DAPK2: variants seen among roughly 807,000 people sequenced by gnomAD.
DAPK2 encodes the protein death-associated protein kinase 2.
DAPK2 carries 35 observed loss-of-function variants against 44.1 expected under a neutral mutation model. That is an observed-to-expected ratio of 0.79 (90% CI 0.61 to 1.05). The LOEUF is 1.05. Ranked by LOEUF, DAPK2 falls within the 50% of genes least tolerant of loss-of-function variation. The pLI is 0.00. For missense variants in DAPK2, 453 were observed against 483.2 expected (o/e 0.94, Z 0.59); for synonymous variants, 174 against 182.6 (o/e 0.95, Z 0.38).
At chr15:63,927,213 G>T (rs1007638640) in intron 6 of DAPK2, among the ~76,000 whole-genome samples, 1 of 152,144 alleles carries the variant, frequency 6.6e-6, no homozygotes, top group Non-Finnish European at 1.5e-5. Context: ...TATTGTCATT[G>T]TGAGAACACA....
Position 64,025,495 on chromosome 15 carries a change from C to T in DAPK2, c.92+14675G>A, listed in dbSNP as rs184062330. ...GATGTCAGGGCAAGGGGCAGCTGGCCTCTGCTCACCGCTGCATCCTCCTTT... is the reference window on the plus strand; with the variant it reads ...GATGTCAGGGCAAGGGGCAGCTGGCTTCTGCTCACCGCTGCATCCTCCTTT... On this transcript the variant is annotated intron_variant, in intron 1 of 10. Coordinates refer to ENST00000261891, the Ensembl canonical transcript of DAPK2. Among the ~76,000 whole-genome samples, 192 of 152,306 alleles carry T rather than the reference C, an allele frequency of 1.3e-3. 1 individual carries two copies. Among genetic ancestry groups the T allele is most frequent in the African/African-American group, 4.5e-3 (187 of 41,566 alleles).
rs1390446884 is a variant in DAPK2, at chr15:63,987,038, T to C, written c.93-3284A>G. On this transcript the variant is annotated intron_variant, in intron 1 of 10. Coordinates refer to ENST00000261891, the Ensembl canonical transcript of DAPK2. ...GGGGTTGTCTCTCCCATCAGCATGATTTTTGCTTGAGGGGTTCACCAGTCT... is the reference window on the plus strand; with the variant it reads ...GGGGTTGTCTCTCCCATCAGCATGACTTTTGCTTGAGGGGTTCACCAGTCT... 4.6e-5 allele frequency among the ~76,000 whole-genome samples: 7 copies of C among 152,204 alleles called. No homozygotes were observed. In the East Asian group the frequency reaches 1.2e-3, roughly 25 times the overall value.
At position 63,929,510 on chromosome 15, in the gene DAPK2, G is replaced by C. The variant is rs372348403; in HGVS notation, c.659+41C>G. On this transcript the variant is annotated intron_variant, in intron 6 of 10. Transcript: ENST00000261891. ...TCTCTCATTCCTTCTGGTTCCCCCAGATCTAAGCTGAGCCAGAGCCCCTGG... is the reference window on the plus strand; with the variant it reads ...TCTCTCATTCCTTCTGGTTCCCCCACATCTAAGCTGAGCCAGAGCCCCTGG... The C allele has an allele frequency of 1.2e-5, 19 of 1,613,218 alleles. No individual in the cohort carries two copies. The African/African-American group carries it at 2.4e-4, about 20-fold the overall frequency.
Position 63,960,250 on chromosome 15 carries a change from T to C in DAPK2, c.453+11173A>G, listed in dbSNP as rs2140624021. ...TCTATTTGATTCTTCTCTCTTTTCT[T>C]ATTAGCCTTGATAGCAGTCTATCAA... On this transcript the variant is annotated intron_variant, in intron 3 of 10. Coordinates refer to ENST00000261891, the Ensembl canonical transcript of DAPK2. 1.3e-5 allele frequency among the ~76,000 whole-genome samples: 2 copies of C among 152,338 alleles called. 1 individual carries two copies. Among genetic ancestry groups the C allele is most frequent in the South Asian group, 4.1e-4 (2 of 4,828 alleles).
chr15:64,001,603 C>T (rs1448316285), intron 1 of DAPK2, among the ~76,000 whole-genome samples: 4 of 152,144 alleles, frequency 2.6e-5, no homozygotes, highest in Non-Finnish European at 4.4e-5. Context: ...TGCCCCCCTC[C>T]CCACTCTAGG....
chr15:63,910,672 C>T (rs1456069125), intron 10 of DAPK2: 4 of 152,328 alleles, frequency 2.6e-5, no homozygotes, highest in Non-Finnish European at 2.9e-5. Flanking sequence ...CCCTGAGTAG[C>T]TAGGACTATA....
At chr15:64,009,042 C>T (rs764933647) in intron 1 of DAPK2, among the ~76,000 whole-genome samples, 1 of 152,172 alleles carries the variant, frequency 6.6e-6, no homozygotes, top group Non-Finnish European at 1.5e-5. Flanking sequence ...CTCAAGGTGT[C>T]CTGGACATGA....
chr15:64,014,469 CAG>C (rs760616376), intron 1 of DAPK2, among the ~76,000 whole-genome samples: 4 of 152,210 alleles, frequency 2.6e-5, no homozygotes, highest in African/African-American at 4.8e-5. Context: ...GATTTAGGAA[CAG>C]AGAGGAGACA....
At chr15:63,942,612 C>T (rs140126492) in intron 3 of DAPK2, among the ~76,000 whole-genome samples, 193 of 152,062 alleles carry the variant, frequency 1.3e-3, no homozygotes, top group Non-Finnish European at 2.3e-3. Flanking sequence ...AACCCCAGGG[C>T]AGGGCCATGT....
chr15:63,985,295 C>T (rs2078638354), intron 1 of DAPK2, among the ~76,000 whole-genome samples: 1 of 152,250 alleles, frequency 6.6e-6, no homozygotes, highest in Non-Finnish European at 1.5e-5. Context: ...TGTGCACACA[C>T]TAAGGGCTGA....
At chr15:63,956,945 C>T (rs1422294587) in intron 3 of DAPK2, among the ~76,000 whole-genome samples, 2 of 152,202 alleles carry the variant, frequency 1.3e-5, no homozygotes, top group Admixed American at 6.5e-5. Flanking sequence ...TGAGAATGAT[C>T]CATGTGCTGA....
intron 5 of DAPK2, 26 bp downstream of exon 6, chr15:63,930,381 T>A: frequency 6.2e-7 from 1 of 1,612,322 alleles, no homozygotes; most frequent in Non-Finnish European, 8.5e-7. Flanking sequence ...GATCGCTAGG[T>A]CACCTGAGTG....
chr15:64,039,612 C>G (rs910511134), intron 1 of DAPK2, among the ~76,000 whole-genome samples: 3 of 152,184 alleles, frequency 2.0e-5, no homozygotes, highest in African/African-American at 7.2e-5. Context: ...CAAATCCTAA[C>G]GATAGTACTT....
Position 63,939,615 on chromosome 15 carries a change from A to C in DAPK2, c.454-254T>G, listed in dbSNP as rs1439701357. Among the ~76,000 whole-genome samples, 1 of 151,864 alleles carries C rather than the reference A, an allele frequency of 6.6e-6. No individual in the cohort carries two copies. The highest frequency in any genetic ancestry group is 1.9e-4 in the East Asian group (1 of 5,174). On this transcript the variant is annotated intron_variant, in intron 3 of 10. Transcript: ENST00000261891. This position sits in a 1 kb window ranked among gnomAD's most constrained non-coding sequence, Gnocchi z 4.3. ...CCTTCTGCTCACAGCAGAACTGAAGACTCCAGCCTTCATCTCCATTCTGTC... is the reference window on the plus strand; with the variant it reads ...CCTTCTGCTCACAGCAGAACTGAAGCCTCCAGCCTTCATCTCCATTCTGTC...
chr15:64,033,555 G>C (rs540973815), intron 1 of DAPK2, among the ~76,000 whole-genome samples: 53 of 152,270 alleles, frequency 3.5e-4, no homozygotes, highest in Admixed American at 5.2e-4. Flanking sequence ...ATGGTCGTGT[G>C]GTCCCCTCTG....
chr15:64,003,285 C>T (rs559361304), intron 1 of DAPK2, among the ~76,000 whole-genome samples: 7 of 152,200 alleles, frequency 4.6e-5, no homozygotes, highest in East Asian at 3.9e-4. Flanking sequence ...CCCTTTTCAG[C>T]GGCTGAGTGA....
intron 3 of DAPK2, among the ~76,000 whole-genome samples, chr15:63,950,596 TA>T (rs1313793650): frequency 6.6e-6 from 1 of 152,340 alleles, no homozygotes; most frequent in African/African-American, 2.4e-5. Context: ...TTTTATTTTT[TA>T]TTTTTTTGGA....
intron 1 of DAPK2, among the ~76,000 whole-genome samples, chr15:64,009,762 C>CG (rs1178592861): frequency 1.3e-5 from 2 of 152,204 alleles, no homozygotes; most frequent in Non-Finnish European, 2.9e-5. Context: ...CCTTTCCCCC[C>CG]GCCCCTAAAT....
intron 1 of DAPK2, among the ~76,000 whole-genome samples, chr15:64,019,240 C>T (rs2079617114): frequency 6.6e-6 from 1 of 152,204 alleles, no homozygotes; most frequent in Non-Finnish European, 1.5e-5. Flanking sequence ...CTGTGAATTA[C>T]AGAATGCACT....
Sources: allele counts gnomAD v4.1 joint callset (sites outside exome capture counted in the v4.1 genomes callset), GRCh38; gene constraint gnomAD v4.1.1; non-coding constraint Gnocchi (gnomAD v3.1); transcripts MANE v1.5; gene names NCBI Gene and HGNC (gene_info 2026-07-23, HGNC 2026-07-21).